TMEM114: variants seen among roughly 807,000 people sequenced by gnomAD.
The protein encoded by TMEM114 is claudin-26.
Under a neutral mutation model 6.2 loss-of-function variants are expected in TMEM114, and 6 were observed. The observed-to-expected ratio is 0.97, with a 90% CI of 0.53 to 1.91. TMEM114 has a LOEUF of 1.91. TMEM114 is among the 40% of genes most tolerant of loss of function. The pLI, the probability that TMEM114 is intolerant of heterozygous loss-of-function variation, is 0.01. For missense variants in TMEM114, 218 were observed against 158.3 expected, an observed-to-expected ratio of 1.38 and a Z score of -2.02; for synonymous variants, 104 against 73.0, an observed-to-expected ratio of 1.42 and a Z score of -2.16.
At chr16:8,568,349 G>C (rs1033803524), downstream of TMEM114, among the ~76,000 whole-genome samples, 7 of 152,192 alleles carry the variant, frequency 4.6e-5, no homozygotes, top group Admixed American at 6.5e-5. Context: ...GACTGGCGTG[G>C]AGAATAGCAC....
At position 8,584,922 on chromosome 16, in the gene TMEM114, C is replaced by CAA. The variant is rs905674847; in HGVS notation, c.301+4289_301+4290dup. On this transcript the variant is annotated intron_variant, in intron 2 of 3. Transcript: ENST00000620492. ...GGGCTACAAGAGTGAAACGCCGTCT[C>CAA]AAAAAAAAAAAAAAAAAAAAGAAGA... Among the ~76,000 whole-genome samples, 201 of 49,014 alleles carry CAA rather than the reference C, an allele frequency of 4.1e-3. 1 individual carries two copies. The highest frequency in any genetic ancestry group is 0.011 in the African/African-American group (160 of 14,244). 32.2% of individuals were successfully genotyped at this position (49,014 alleles called of 152,430 possible).
At chr16:8,546,072 G>A (rs1322928150) in intron 2 of TMEM114, among the ~76,000 whole-genome samples, 1 of 152,112 alleles carries the variant, frequency 6.6e-6, no homozygotes, top group Non-Finnish European at 1.5e-5. Flanking sequence ...CTATGATCAT[G>A]TCACTGCACT....
intron 2 of TMEM114, among the ~76,000 whole-genome samples, chr16:8,561,905 T>C (rs946896006): frequency 3.4e-5 from 2 of 58,762 alleles, no homozygotes; most frequent in Admixed American, 1.9e-4. Context: ...AGTAAATGAG[T>C]GAATGAATGA....
At chr16:8,567,307 T>C (rs1316070831), downstream of TMEM114, among the ~76,000 whole-genome samples, 1 of 152,176 alleles carries the variant, frequency 6.6e-6, no homozygotes, top group Non-Finnish European at 1.5e-5. Context: ...CCATGTGAGC[T>C]AGGAAGGGTG....
At chr16:8,570,967 G>A (rs898940943) in intron 3 of TMEM114, among the ~76,000 whole-genome samples, 5 of 152,190 alleles carry the variant, frequency 3.3e-5, no homozygotes, top group Admixed American at 6.5e-5. Flanking sequence ...TGCTGGTTTC[G>A]AGAATTTGTC....
the TMEM114 span, among the ~76,000 whole-genome samples, chr16:8,529,520 T>C: frequency 6.6e-6 from 1 of 152,150 alleles, no homozygotes; most frequent in Non-Finnish European, 1.5e-5. Context: ...ATCAGCAGCA[T>C]CAGTGTCATC....
chr16:8,554,208 C>A (rs1450210330), intron 2 of TMEM114, among the ~76,000 whole-genome samples: 2 of 151,890 alleles, frequency 1.3e-5, no homozygotes, highest in Non-Finnish European at 2.9e-5. Flanking sequence ...TAATTTTCCC[C>A]TTTATTCACT....
At chr16:8,546,095 C>A (rs1360484589) in intron 2 of TMEM114, among the ~76,000 whole-genome samples, 1 of 152,044 alleles carries the variant, frequency 6.6e-6, no homozygotes, top group Non-Finnish European at 1.5e-5. Flanking sequence ...AGCCTGGGAA[C>A]AGAGCAAGAC....
intron 2 of TMEM114, among the ~76,000 whole-genome samples, chr16:8,541,222 A>G (rs1435294349): frequency 1.3e-5 from 2 of 152,198 alleles, no homozygotes; most frequent in African/African-American, 4.8e-5. Flanking sequence ...CTAATGGGGA[A>G]ACAGGCTTGA....
chr16:8,541,205 C>T (rs920590385), intron 2 of TMEM114, among the ~76,000 whole-genome samples: 5 of 152,080 alleles, frequency 3.3e-5, no homozygotes, highest in African/African-American at 7.2e-5. Flanking sequence ...TTATTTTCTG[C>T]GTTTTACTAA....
chr16:8,586,894 G>T (rs1339838362), intron 2 of TMEM114, among the ~76,000 whole-genome samples: 1 of 152,128 alleles, frequency 6.6e-6, no homozygotes, highest in East Asian at 1.9e-4. Context: ...AGAGCACACG[G>T]TACCTCCACC....
chr16:8,534,133 C>T (rs35455271), downstream of TMEM114, among the ~76,000 whole-genome samples: 18,354 of 152,132 alleles, frequency 0.12, 1,316 homozygotes, highest in Middle Eastern at 0.21. Context: ...ATTTATTGTG[C>T]ATATTTTAAA....
rs557680295 is a variant in TMEM114 at position 8,553,041 on chromosome 16, T to C, written n.213-15215A>G. Among the ~76,000 whole-genome samples the C allele has an allele frequency of 6.6e-5, 10 of 152,358 alleles. No homozygotes were observed. In the East Asian group the frequency reaches 1.9e-3, roughly 29 times the overall value. On this transcript the variant is annotated intron_variant and non_coding_transcript_variant, in intron 2 of 2. Transcript: ENST00000623677. ...TGCTAATCCAGCCGAGGTTCTTGCT[T>C]CCTGCCAGGTTTTTCTTCCGACTTC... is the stretch of plus-strand genomic sequence containing the variant.
At chr16:8,534,099 G>A (rs1900288209), downstream of TMEM114, among the ~76,000 whole-genome samples, 1 of 152,178 alleles carries the variant, frequency 6.6e-6, no homozygotes. Flanking sequence ...ATGAGAGCAA[G>A]TCATTCATCA....
At chr16:8,555,116 T>G (rs949295586) in intron 2 of TMEM114, among the ~76,000 whole-genome samples, 2 of 152,336 alleles carry the variant, frequency 1.3e-5, no homozygotes, top group South Asian at 2.1e-4. Context: ...TTTGCCCATG[T>G]GAGTTGGTGT....
chr16:8,544,257 T>C (rs1470722490), intron 2 of TMEM114, among the ~76,000 whole-genome samples: 1 of 152,196 alleles, frequency 6.6e-6, no homozygotes, highest in Non-Finnish European at 1.5e-5. Context: ...AGCACAGCTT[T>C]TGGATAAATA....
At chr16:8,585,569 A>G (rs1040570927) in intron 2 of TMEM114, among the ~76,000 whole-genome samples, 3 of 152,054 alleles carry the variant, frequency 2.0e-5, no homozygotes, top group Admixed American at 1.3e-4. Flanking sequence ...ACATCTTCAT[A>G]TAATAGAAGA....
chr16:8,536,704 T>C (rs118018639), downstream of TMEM114, among the ~76,000 whole-genome samples: 1,944 of 152,238 alleles, frequency 0.013, 15 homozygotes, highest in Middle Eastern at 0.024. Context: ...GGTTTTTTGC[T>C]TCCATGTTTT....
intron 2 of TMEM114, among the ~76,000 whole-genome samples, chr16:8,573,018 A>G (rs552043159): frequency 2.6e-5 from 4 of 152,294 alleles, no homozygotes; most frequent in Admixed American, 6.5e-5. Context: ...CGTTCTCTAC[A>G]AGAACATATT....
Sources: gnomAD v4.1 joint callset for allele counts (sites outside exome capture counted in the v4.1 genomes callset) on GRCh38, gnomAD v4.1.1 for gene constraint, MANE v1.5 for transcripts, NCBI Gene and HGNC (gene_info 2026-07-23, HGNC 2026-07-21) for gene names.